RTN1: variants seen among roughly 807,000 people sequenced by gnomAD.
The protein encoded by RTN1 is reticulon-1.
RTN1 carries 25 observed loss-of-function variants against 65.5 expected under a neutral mutation model. The ratio of observed to expected loss-of-function variants is 0.38; its 90% CI spans 0.28 to 0.53. RTN1 has a LOEUF of 0.53. Ranked by LOEUF, RTN1 falls within the 20% of genes least tolerant of loss-of-function variation. The pLI, the probability that RTN1 is intolerant of heterozygous loss-of-function variation, is 0.79. For synonymous variants in RTN1, 471 were observed against 447.6 expected (o/e 1.05, Z -0.66); for missense variants, 983 against 1,025.4 (o/e 0.96, Z 0.57).
intron 3 of RTN1, among the ~76,000 whole-genome samples, chr14:59,687,458 C>T (rs764728728): frequency 1.3e-5 from 2 of 151,732 alleles, no homozygotes; most frequent in African/African-American, 4.8e-5. Flanking sequence ...AGGCAGATCT[C>T]CAGGCATTCA....
In RTN1 at chr14:59,784,345, G is replaced by A. The variant is rs10142939; in HGVS notation, c.242-37864C>T. Among the ~76,000 whole-genome samples the A allele has an allele frequency of 4.9e-3, 751 of 152,124 alleles. 8 individuals carry two copies. Among genetic ancestry groups the A allele is most frequent in the African/African-American group, 0.017 (697 of 41,492 alleles). ...AATCCCAGCTACTAGGGAGGCTGAG[G>A]CAGGAGAATTGCTTGAACCTGGGAG... On this transcript the variant is annotated intron_variant, in intron 1 of 8. Transcript: ENST00000267484.
chr14:59,753,960 G>A (rs1450873740), intron 1 of RTN1, among the ~76,000 whole-genome samples: 2 of 152,224 alleles, frequency 1.3e-5, no homozygotes, highest in Non-Finnish European at 2.9e-5. Flanking sequence ...AATGTACCTT[G>A]AGAGTCGCTG....
chr14:59,724,689 C>T lies in RTN1; in HGVS notation c.1765+2230G>A, dbSNP rs545802877. Among the ~76,000 whole-genome samples, 13 of 151,182 alleles carry T rather than the reference C, an allele frequency of 8.6e-5. 1 individual carries two copies. Among genetic ancestry groups the T allele is most frequent in the Non-Finnish European group, 1.5e-4 (10 of 67,912 alleles). ...GAGCCAAGATCACGCCATTGCACTC[C>T]AGCCTGGGCAACAAAAGTGAAACTC... On this transcript the variant is annotated intron_variant, in intron 3 of 8. Transcript: ENST00000267484.
At chr14:59,864,080 T>C (rs529716579) in intron 1 of RTN1, among the ~76,000 whole-genome samples, 1 of 152,308 alleles carries the variant, frequency 6.6e-6, no homozygotes, top group East Asian at 1.9e-4. Flanking sequence ...TCATTAAACT[T>C]AAAACTGAAC....
intron 1 of RTN1, among the ~76,000 whole-genome samples, chr14:59,860,003 A>C (rs1887679601): frequency 6.6e-6 from 1 of 152,234 alleles, no homozygotes; most frequent in African/African-American, 2.4e-5. Context: ...GTAGCCTAAT[A>C]ATGTGATAGA....
chr14:59,682,392 GTAGA>G (rs1883763668), intron 3 of RTN1, among the ~76,000 whole-genome samples: 1 of 152,116 alleles, frequency 6.6e-6, no homozygotes, highest in Non-Finnish European at 1.5e-5. Context: ...TGGCTGCTGG[GTAGA>G]TAGACTACTT....
At chr14:59,767,971 T>G (rs1017420429) in intron 1 of RTN1, among the ~76,000 whole-genome samples, 1 of 152,232 alleles carries the variant, frequency 6.6e-6, no homozygotes, top group African/African-American at 2.4e-5. Context: ...TTACCTTGCA[T>G]TATAGTCACA....
intron 1 of RTN1, among the ~76,000 whole-genome samples, chr14:59,798,991 G>A (rs1886489653): frequency 6.6e-6 from 1 of 152,076 alleles, no homozygotes; most frequent in Non-Finnish European, 1.5e-5. Context: ...ACAATTGCCA[G>A]ATTTTTCAAG....
intron 3 of RTN1, among the ~76,000 whole-genome samples, chr14:59,719,106 T>C (rs1884597014): frequency 6.6e-6 from 1 of 152,196 alleles, no homozygotes; most frequent in Admixed American, 6.5e-5. Flanking sequence ...GGAGGTCATG[T>C]CACTTTCTAG....
chr14:59,832,203 G>T (rs997948827), intron 1 of RTN1, among the ~76,000 whole-genome samples: 2 of 152,134 alleles, frequency 1.3e-5, no homozygotes, highest in Admixed American at 1.3e-4. Context: ...GTACCTGTGG[G>T]AATGAGCTAG....
intron 3 of RTN1, among the ~76,000 whole-genome samples, chr14:59,658,914 G>A (rs919360085): frequency 1.3e-5 from 2 of 152,250 alleles, no homozygotes; most frequent in Admixed American, 1.3e-4. Context: ...GGCTTCAGAA[G>A]GTGGGTGATA....
chr14:59,603,142 A>T lies in RTN1; in HGVS notation c.2230-19T>A. 1 of 1,612,272 alleles carries T rather than the reference A, an allele frequency of 6.2e-7. No individual in the cohort carries two copies. The highest frequency in any genetic ancestry group is 8.5e-7 in the Non-Finnish European group (1 of 1,179,388). On this transcript the variant is annotated intron_variant, in intron 7 of 8. Coordinates refer to ENST00000267484, the MANE Select transcript of RTN1 (RefSeq NM_021136.3). The stretch of plus-strand genomic sequence containing the variant: ...TCTGTGCCTACATAAAGAAAAAAAA[A>T]ATAATGAGCATATCCAAAGATGATG...
chr14:59,674,427 C>T (rs986687945), intron 3 of RTN1, among the ~76,000 whole-genome samples: 1 of 152,194 alleles, frequency 6.6e-6, no homozygotes, highest in African/African-American at 2.4e-5. Flanking sequence ...GAAGCAGCCA[C>T]AATGCAGGTG....
At chr14:59,772,035 A>G (rs1301567205) in intron 1 of RTN1, among the ~76,000 whole-genome samples, 1 of 152,254 alleles carries the variant, frequency 6.6e-6, no homozygotes, top group Non-Finnish European at 1.5e-5. Context: ...AAAAAGGTTA[A>G]TAAAAGCTGA....
chr14:59,745,673 G>A (rs989650948), intron 2 of RTN1, 35 bp downstream of exon 2: 1 of 1,516,014 alleles, frequency 6.6e-7, no homozygotes, highest in Non-Finnish European at 8.8e-7. Flanking sequence ...CCATATGCTG[G>A]GTTTTCCTAA....
chr14:59,720,721 CAAAAA>C (rs3036118), intron 3 of RTN1, among the ~76,000 whole-genome samples: 2 of 133,870 alleles, frequency 1.5e-5, no homozygotes, highest in Admixed American at 7.4e-5. Flanking sequence ...GACCCTATCT[CAAAAA>C]AAAAAAAAAA....
chr14:59,716,789 C>G (rs1385737345), intron 3 of RTN1, among the ~76,000 whole-genome samples: 1 of 149,658 alleles, frequency 6.7e-6, no homozygotes, highest in African/African-American at 2.5e-5. Flanking sequence ...AATCCCATCC[C>G]TACTAAAAAA....
intron 1 of RTN1, among the ~76,000 whole-genome samples, chr14:59,786,952 ATTAAGCAATC>A (rs530441062): frequency 7.2e-5 from 11 of 152,252 alleles, no homozygotes; most frequent in Non-Finnish European, 1.5e-4. Context: ...TGATTATAAA[ATTAAGCAATC>A]AGAAATTATT....
At chr14:59,620,199 G>A (rs1318490002) in intron 3 of RTN1, among the ~76,000 whole-genome samples, 2 of 152,168 alleles carry the variant, frequency 1.3e-5, no homozygotes, top group African/African-American at 4.8e-5. Flanking sequence ...TACAGTTGTG[G>A]CCACAGATAC....
Sources: allele counts gnomAD v4.1 joint callset (sites outside exome capture counted in the v4.1 genomes callset), GRCh38; gene constraint gnomAD v4.1.1; transcripts MANE v1.5; gene names NCBI Gene and HGNC (gene_info 2026-07-23, HGNC 2026-07-21).